The following KCTD21 variants were observed in gnomAD, a reference collection of about 807,000 sequenced individuals.
KCTD21 encodes the protein potassium channel tetramerization domain containing 21, also known as BTB/POZ domain-containing protein KCTD21.
In KCTD21, 9 loss-of-function variants were observed where a neutral mutation model predicts 13.2. That is an observed-to-expected ratio of 0.68 (90% CI 0.41 to 1.19). KCTD21 has a LOEUF of 1.19. Ranked by LOEUF, KCTD21 falls within the 50% of genes most tolerant of loss-of-function variation. KCTD21 has a pLI of 0.01. For synonymous variants in KCTD21, 142 were observed against 137.4 expected, an observed-to-expected ratio of 1.03 and a Z score of -0.23; for missense variants, 303 against 336.5, an observed-to-expected ratio of 0.90 and a Z score of 0.78.
intron 1 of KCTD21, chr11:78,176,423 G>A (rs1412488812): frequency 6.6e-6 from 1 of 152,304 alleles, no homozygotes; most frequent in East Asian, 1.9e-4. Flanking sequence ...TCTCTCAGCT[G>A]TCAGCATCTA....
chr11:78,187,709 T>C (rs1862831796), intron 1 of KCTD21: 18 of 985,394 alleles, frequency 1.8e-5, no homozygotes, highest in Non-Finnish European at 2.2e-5. Flanking sequence ...CTCACAGTAC[T>C]ATAGGAGGGC....
At position 78,174,046 on chromosome 11, in the gene KCTD21, T is replaced by C. The variant is rs370356657; in HGVS notation, c.509A>G (p.Asn170Ser). The C allele has an allele frequency of 9.9e-6, 16 of 1,613,910 alleles. No individual in the cohort carries two copies. The highest frequency in any genetic ancestry group is 4.4e-5 in the South Asian group (4 of 91,074). ...CAAGTGGCTGGTGATGGAGGAGAGA[T>C]TGCCATTGGAGCAGTAGAAGAGCTT... ...GSKLFYCSNG[N>S]LSSITSHLQD... Residue 170 changes from asparagine to serine, a missense_variant, in exon 2 of 2, where the codon AAT becomes AGT. By Grantham distance (46) the Asn-to-Ser change is conservative. Transcript: ENST00000340067.
chr11:78,181,961 A>G (rs765729748), intron 1 of KCTD21, among the ~76,000 whole-genome samples: 4 of 152,208 alleles, frequency 2.6e-5, no homozygotes, highest in African/African-American at 4.8e-5. Context: ...GGATCATGGT[A>G]TCTTCATACT....
At chr11:78,176,003 A>G (rs1453513048) in intron 1 of KCTD21, among the ~76,000 whole-genome samples, 3 of 152,012 alleles carry the variant, frequency 2.0e-5, no homozygotes, top group Non-Finnish European at 2.9e-5. Flanking sequence ...TTGTCCTTGC[A>G]GTAGTCTTTA....
chr11:78,175,472 C>T (rs1260605181), intron 1 of KCTD21: 1 of 152,102 alleles, frequency 6.6e-6, no homozygotes, highest in Non-Finnish European at 1.5e-5. Context: ...AAACTCAGGT[C>T]CTTTTATATG....
rs230663 is a variant in KCTD21 at position 78,172,080 on chromosome 11, C to T, written c.*1692G>A. Reference sequence around the variant, plus strand: ...ATGGGTGCCTGTGTCACCAGGCTTCCTTGGCTTTGAGGACCCCTGCCCAGT... The same window carrying T: ...ATGGGTGCCTGTGTCACCAGGCTTCTTTGGCTTTGAGGACCCCTGCCCAGT... On this transcript the variant is annotated 3_prime_UTR_variant, in exon 2 of 2. Coordinates refer to ENST00000340067, the MANE Select transcript of KCTD21 (RefSeq NM_001029859.3). 0.31 allele frequency: 47,530 copies of T among 152,326 alleles called. 8,557 individuals carry two copies. The highest frequency in any genetic ancestry group is 0.47 in the Admixed American group (7,193 of 15,300). The allele number at this position is 152,326 out of a possible 1,614,324, so 9.4% of individuals were successfully genotyped here.
chr11:78,182,527 G>GT lies in KCTD21; in HGVS notation c.-30+6045dup, dbSNP rs1862659559. On this transcript the variant is annotated intron_variant, in intron 1 of 1. Transcript: ENST00000340067. ...AAACAATGAGAAGAGAAGGAATTTG[G>GT]TAATAAATGTGAAGAGACACAACTA... 5.3e-5 allele frequency among the ~76,000 whole-genome samples: 8 copies of GT among 152,230 alleles called. No individual in the cohort carries two copies. In the South Asian group the frequency reaches 1.7e-3, roughly 32 times the overall value.
chr11:78,178,653 A>G (rs230658), intron 1 of KCTD21, among the ~76,000 whole-genome samples: 105,257 of 152,066 alleles, frequency 0.69, 38,139 homozygotes, highest in African/African-American at 0.92. Context: ...CAGGAGAACA[A>G]GGTTTGGAGA....
rs186087116 is a variant in KCTD21 at position 78,173,906 on chromosome 11, T to A, written c.649A>T (p.Ile217Phe). 1.2e-6 allele frequency: 2 copies of A among 1,614,082 alleles called. No homozygotes were observed. Among genetic ancestry groups the A allele is most frequent in the African/African-American group, 2.7e-5 (2 of 74,932 alleles). Residue 217 changes from isoleucine to phenylalanine, a missense_variant, in exon 2 of 2, where the codon ATC (isoleucine) becomes TTC (phenylalanine). Coordinates refer to ENST00000340067, the MANE Select transcript of KCTD21 (RefSeq NM_001029859.3). Reference sequence around the variant, plus strand: ...TCCACGAAGACCTGGAAGCTGTTGATCTGCTTGTTGGCGGGCACCACCCAG... The same window carrying A: ...TCCACGAAGACCTGGAAGCTGTTGAACTGCTTGTTGGCGGGCACCACCCAG... ...RLWVVPANKQINSFQVFVEEV... is the reference protein window; with the variant it reads ...RLWVVPANKQFNSFQVFVEEV...
At position 78,173,282 on chromosome 11, in the gene KCTD21, T is replaced by G. The variant is rs540309551; in HGVS notation, c.*490A>C. On this transcript the variant is annotated 3_prime_UTR_variant, in exon 2 of 2. Transcript: ENST00000340067. The stretch of plus-strand genomic sequence containing the variant: ...AAACATGGTCACCCCTGGGCAAACA[T>G]CCACGATCATGGATGCACCCTGGGG... 11 of 158,718 alleles carry G rather than the reference T, an allele frequency of 6.9e-5. No homozygotes were observed. The South Asian group carries it at 2.0e-3, about 29-fold the overall frequency. 9.8% of individuals were successfully genotyped at this position (158,718 alleles called of 1,614,324 possible).
rs142325085 is a variant in KCTD21, at chr11:78,174,514, T to C, written c.41A>G (p.Tyr14Cys). 73 of 1,613,840 alleles carry C rather than the reference T, an allele frequency of 4.5e-5. No individual in the cohort carries two copies. Among genetic ancestry groups the C allele is most frequent in the African/African-American group, 2.0e-4 (15 of 75,002 alleles). ...GGTCAGGGTCGCCAGTGAGGTTGTA[T>C]AGAGCTTCCCCCCGACGTTCAGCGT... Reference protein sequence around the residue: ...PITLNVGGKLYTTSLATLTSF... With the variant: ...PITLNVGGKLCTTSLATLTSF... Residue 14 changes from tyrosine (Y) to cysteine (C), a missense_variant, in exon 2 of 2, where the codon TAT becomes TGT. Coordinates refer to ENST00000340067, the MANE Select transcript of KCTD21 (RefSeq NM_001029859.3).
At chr11:78,186,744 G>C (rs1862786462) in intron 1 of KCTD21, 1 of 985,494 alleles carries the variant, frequency 1.0e-6, no homozygotes, top group Non-Finnish European at 1.2e-6. Context: ...CATCCCCTCT[G>C]CCTGGACCTT....
At position 78,174,522 on chromosome 11, in the gene KCTD21, C is replaced by T. The variant is rs1862387755; in HGVS notation, c.33G>A (p.Gly11=). The change falls in exon 2 of 2, where the codon GGG becomes GGA. Residue 11 remains glycine, a synonymous_variant. Coordinates refer to ENST00000340067, the MANE Select transcript of KCTD21 (RefSeq NM_001029859.3). ...TCGCCAGTGAGGTTGTATAGAGCTT[C>T]CCCCCGACGTTCAGCGTGATGGGGT... MSDPITLNVG[G]KLYTTSLATL... is the part of the protein sequence containing the mutation. 2 of 1,612,904 alleles carry T rather than the reference C, an allele frequency of 1.2e-6. No homozygotes were observed. The highest frequency in any genetic ancestry group is 1.7e-6 in the Non-Finnish European group (2 of 1,179,500).
chr11:78,178,183 T>C (rs1862512675), intron 1 of KCTD21, among the ~76,000 whole-genome samples: 1 of 151,050 alleles, frequency 6.6e-6, no homozygotes, highest in South Asian at 2.1e-4. Context: ...TAGAGTGCAG[T>C]GACGCAATCT....
intron 1 of KCTD21, among the ~76,000 whole-genome samples, chr11:78,182,304 C>A (rs1040655657): frequency 1.4e-5 from 2 of 143,384 alleles, no homozygotes; most frequent in Non-Finnish European, 3.1e-5. Flanking sequence ...AGCACCCCCC[C>A]CCCCTCAAAA....
In KCTD21 at chr11:78,174,062, A is replaced by T; in HGVS notation, c.493T>A (p.Tyr165Asn). 1 of 1,614,182 alleles carries T rather than the reference A, an allele frequency of 6.2e-7. No individual in the cohort carries two copies. The highest frequency in any genetic ancestry group is 8.5e-7 in the Non-Finnish European group (1 of 1,180,040). The change falls in exon 2 of 2, where the codon TAC becomes AAC. Residue 165 changes from tyrosine to asparagine, a missense_variant. By Grantham distance (143) the Tyr-to-Asn change is moderately radical (BLOSUM62 -2). Coordinates refer to ENST00000340067, the MANE Select transcript of KCTD21 (RefSeq NM_001029859.3). Reference protein sequence around the residue: ...FLKLLGSKLFYCSNGNLSSIT... With the variant: ...FLKLLGSKLFNCSNGNLSSIT... ...GAGGAGAGATTGCCATTGGAGCAGT[A>T]GAAGAGCTTAGAGCCAAGGAGCTTG... is the stretch of plus-strand genomic sequence containing the variant.
At chr11:78,178,583 T>C (rs2136997395) in intron 1 of KCTD21, among the ~76,000 whole-genome samples, 1 of 152,256 alleles carries the variant, frequency 6.6e-6, no homozygotes, top group East Asian at 1.9e-4. Flanking sequence ...TGAGCCTCAG[T>C]CCCCTATGTG....
At chr11:78,180,799 A>AATTGT (rs748477507) in intron 1 of KCTD21, among the ~76,000 whole-genome samples, 59 of 152,330 alleles carry the variant, frequency 3.9e-4, no homozygotes, top group South Asian at 1.2e-3. Flanking sequence ...GTCCCCACCC[A>AATTGT]AATCTCACCT....
Position 78,173,401 on chromosome 11 carries a change from G to A in KCTD21, c.*371C>T, listed in dbSNP as rs1304948050. On this transcript the variant is annotated 3_prime_UTR_variant, in exon 2 of 2. Coordinates refer to ENST00000340067, the MANE Select transcript of KCTD21 (RefSeq NM_001029859.3). ...TTCTCATCCCATCCTCTCCACCAGG[G>A]CCTTCTTACAGATGGATAAATGCGG... The A allele has an allele frequency of 5.3e-6, 1 of 188,550 alleles. No individual in the cohort carries two copies. The highest frequency in any genetic ancestry group is 1.1e-5 in the Non-Finnish European group (1 of 89,184). The allele number at this position is 188,550 out of a possible 1,614,324, so 11.7% of individuals were successfully genotyped here.
Sources: allele counts gnomAD v4.1 joint callset (sites outside exome capture counted in the v4.1 genomes callset), GRCh38; gene constraint gnomAD v4.1.1; transcripts MANE v1.5; gene names NCBI Gene and HGNC (gene_info 2026-07-23, HGNC 2026-07-21).